Variants in SLC4A1AP observed in about 807,000 individuals in gnomAD.
The protein encoded by SLC4A1AP is solute carrier family 4 member 1 adaptor protein, also known as kanadaptin.
Under a neutral mutation model 89.7 loss-of-function variants are expected in SLC4A1AP, and 64 were observed. The observed-to-expected ratio is 0.71, with a 90% CI of 0.58 to 0.88. The LOEUF is 0.88. SLC4A1AP is among the 40% of genes least tolerant of loss of function. SLC4A1AP has a pLI of 0.00. For synonymous variants in SLC4A1AP, 366 were observed against 353.3 expected, an observed-to-expected ratio of 1.04 and a Z score of -0.40; for missense variants, 931 against 965.0, an observed-to-expected ratio of 0.96 and a Z score of 0.47.
intron 3 of SLC4A1AP, among the ~76,000 whole-genome samples, chr2:27,668,139 T>C (rs1215345791): frequency 6.6e-6 from 1 of 151,812 alleles, no homozygotes; most frequent in East Asian, 1.9e-4. Context: ...TTCAGTGTGG[T>C]ATGGGAACTT....
exon 2 of SLC4A1AP, chr2:27,665,243 G>A: frequency 6.2e-7 from 1 of 1,612,570 alleles, no homozygotes; most frequent in Non-Finnish European, 8.5e-7. Flanking sequence ...CCTCTGAAAG[G>A]AAGATAAATG....
At chr2:27,672,430 A>T (rs1158089253) in intron 5 of SLC4A1AP, among the ~76,000 whole-genome samples, 1 of 152,204 alleles carries the variant, frequency 6.6e-6, no homozygotes, top group East Asian at 1.9e-4. Context: ...AAAATCAGGC[A>T]GTCTTTCATG....
At chr2:27,685,397 C>A in intron 10 of SLC4A1AP, 120 bp downstream of exon 10, 2 of 1,262,676 alleles carry the variant, frequency 1.6e-6, no homozygotes, top group Non-Finnish European at 2.1e-6. Flanking sequence ...GATATACTGA[C>A]TCTGTAGCAA....
intron 5 of SLC4A1AP, among the ~76,000 whole-genome samples, chr2:27,674,597 CAT>C (rs775073832): frequency 1.6e-4 from 24 of 151,682 alleles, no homozygotes; most frequent in Non-Finnish European, 2.8e-4. Flanking sequence ...TTTAAAGTAA[CAT>C]ATTTAAAAAT....
intron 8 of SLC4A1AP, among the ~76,000 whole-genome samples, chr2:27,681,084 C>T (rs1258855450): frequency 1.3e-5 from 2 of 152,166 alleles, no homozygotes; most frequent in Non-Finnish European, 2.9e-5. Context: ...TCCTTTGAGC[C>T]AGTCTTAGCT....
At chr2:27,686,513 C>T (rs1256895898) in intron 10 of SLC4A1AP, among the ~76,000 whole-genome samples, 1 of 152,120 alleles carries the variant, frequency 6.6e-6, no homozygotes, top group East Asian at 1.9e-4. Flanking sequence ...GCCTGTAATC[C>T]CAGCACTTTG....
In SLC4A1AP at chr2:27,687,924, C is replaced by T; in HGVS notation, c.2117-10C>T. 1 of 1,604,754 alleles carries T rather than the reference C, an allele frequency of 6.2e-7. No homozygotes were observed. Among genetic ancestry groups the T allele is most frequent in the Middle Eastern group, 1.7e-4 (1 of 6,042 alleles). ...ATCATGACAATATGATTTGATATTG[C>T]TTTTTATAGAAAACATGTCTCAACT... is the stretch of plus-strand genomic sequence containing the variant. On this transcript the variant is annotated splice_polypyrimidine_tract_variant and intron_variant, in intron 10 of 13. Coordinates refer to ENST00000613058, the Ensembl canonical transcript of SLC4A1AP.
At chr2:27,672,041 G>A (rs1020885470) in intron 5 of SLC4A1AP, among the ~76,000 whole-genome samples, 1 of 152,096 alleles carries the variant, frequency 6.6e-6, no homozygotes, top group South Asian at 2.1e-4. Context: ...TGATCCTATT[G>A]TATGTCATCT....
intron 1 of SLC4A1AP, 30 bp downstream of exon 1, chr2:27,664,607 C>T: frequency 1.3e-6 from 2 of 1,535,862 alleles, no homozygotes; most frequent in South Asian, 1.2e-5. Flanking sequence ...ATTGAAATTT[C>T]GGGTTCATTG....
At chr2:27,683,780 C>T (rs1022925117) in intron 9 of SLC4A1AP, among the ~76,000 whole-genome samples, 3 of 152,090 alleles carry the variant, frequency 2.0e-5, no homozygotes, top group African/African-American at 4.8e-5. Context: ...CACTGTCACC[C>T]AGGCTGCAGT....
intron 7 of SLC4A1AP, 104 bp from the exon 8 acceptor site, chr2:27,677,634 C>A: frequency 2.2e-6 from 2 of 928,820 alleles, no homozygotes; most frequent in Non-Finnish European, 3.2e-6. Context: ...TAGTGATGTC[C>A]TCTGTCCGGT....
At chr2:27,693,479 A>G (rs995100961) in intron 12 of SLC4A1AP, 1 of 541,946 alleles carries the variant, frequency 1.8e-6, no homozygotes, top group South Asian at 2.7e-5. Flanking sequence ...CTGGTCTGGT[A>G]GTGACAAATT....
At position 27,669,395 on chromosome 2, in the gene SLC4A1AP, T is replaced by A; in HGVS notation, c.1345+8T>A. On this transcript the variant is annotated splice_region_variant and intron_variant, in intron 5 of 13. Transcript: ENST00000613058. ...TGCTTCGGCAGGAAGCAGGTCAGTA[T>A]ATAGGAGCCCTTTTTTTCTAGATTT... The A allele has an allele frequency of 6.7e-7, 1 of 1,495,472 alleles. No homozygotes were observed. The highest frequency in any genetic ancestry group is 8.9e-7 in the Non-Finnish European group (1 of 1,123,630). 92.6% of individuals were successfully genotyped at this position (1,495,472 alleles called of 1,614,324 possible).
At chr2:27,665,200 G>A (rs1389430399) in exon 2 of SLC4A1AP, 1 of 1,613,826 alleles carries the variant, frequency 6.2e-7, no homozygotes, top group Non-Finnish European at 8.5e-7. Flanking sequence ...AAGATGCTAG[G>A]AGAAGACTCA....
intron 5 of SLC4A1AP, 40 bp downstream of exon 5, chr2:27,669,427 A>T: frequency 6.9e-7 from 1 of 1,455,220 alleles, no homozygotes; most frequent in East Asian, 2.5e-5. Flanking sequence ...ATTTAAAAAA[A>T]GGAAAACTCA....
rs546339153 is a variant in SLC4A1AP at position 27,664,397 on chromosome 2, C to A, written c.645C>A (p.His215Gln). 20 of 1,614,106 alleles carry A rather than the reference C, an allele frequency of 1.2e-5. No individual in the cohort carries two copies. The South Asian group carries it at 2.0e-4, about 16-fold the overall frequency. Residue 215 changes from histidine to glutamine, a missense_variant, in exon 1 of 14, where the codon CAC (histidine) becomes CAA (glutamine). Transcript: ENST00000613058. ...CTCGGTACCACGCAGTGCTGCAGCA[C>A]AGGGCGTCCGGCCCTGACGGAGAAT...
intron 11 of SLC4A1AP, among the ~76,000 whole-genome samples, chr2:27,688,307 T>C (rs1337000971): frequency 6.6e-6 from 1 of 152,168 alleles, no homozygotes; most frequent in Non-Finnish European, 1.5e-5. Context: ...CTCCACAATT[T>C]TACATCTCCC....
At chr2:27,688,597 C>A in intron 11 of SLC4A1AP, 103 bp from the exon 12 acceptor site, 1 of 741,534 alleles carries the variant, frequency 1.3e-6, no homozygotes, top group Non-Finnish European at 2.3e-6. Flanking sequence ...TTGTCATGAG[C>A]ATCTTTTCTT....
chr2:27,673,450 T>TCCTTCTTTCCTTCCTC (rs1675463636), intron 5 of SLC4A1AP, among the ~76,000 whole-genome samples: 1 of 112,670 alleles, frequency 8.9e-6, no homozygotes, highest in Non-Finnish European at 1.8e-5. Flanking sequence ...CTCCCTTCCT[T>TCCTTCTTTCCTTCCTC]CCTTCCTTCC....
Sources: allele counts gnomAD v4.1 joint callset (sites outside exome capture counted in the v4.1 genomes callset), GRCh38; gene constraint gnomAD v4.1.1; transcripts MANE v1.5; gene names NCBI Gene and HGNC (gene_info 2026-07-23, HGNC 2026-07-21).